The following ELOC variants were observed in gnomAD, a reference collection of about 807,000 sequenced individuals.
ELOC encodes the protein elongin C.
For missense variants in ELOC, 38 were observed against 139.0 expected (o/e 0.27, Z 3.65); for synonymous variants, 40 against 51.3 (o/e 0.78, Z 0.94).
At chr8:73,959,016 A>T (rs577779597) in intron 2 of ELOC, among the ~76,000 whole-genome samples, 7 of 152,312 alleles carry the variant, frequency 4.6e-5, no homozygotes, top group Admixed American at 3.9e-4. Flanking sequence ...CATGAGGGTA[A>T]GTATTTGTGT....
intron 3 of ELOC, among the ~76,000 whole-genome samples, chr8:73,948,835 ACAAGCAAGCAAGCAAGCAAGCAAGCAAG>A (rs149713108): frequency 6.7e-6 from 1 of 150,268 alleles, no homozygotes. Context: ...CCTGTCACTC[ACAAGCAAGCAAGCAAGCAAGCAAGCAAG>A]CAAGCAAGCA....
intron 3 of ELOC, among the ~76,000 whole-genome samples, chr8:73,951,647 C>CACAACAACAACAACAACAACA (rs71269967): frequency 6.7e-6 from 1 of 149,804 alleles, no homozygotes; most frequent in African/African-American, 2.5e-5. Flanking sequence ...CAAAAAACCC[C>CACAACAACAACAACAACAACA]ACAACAACAA....
chr8:73,970,664 G>C (rs1815293159), intron 1 of ELOC: 1 of 152,106 alleles, frequency 6.6e-6, no homozygotes, highest in South Asian at 2.1e-4. Flanking sequence ...TAATGTAAAT[G>C]AGATCAGACA....
chr8:73,971,696 C>T (rs1815415774), intron 1 of ELOC, among the ~76,000 whole-genome samples: 1 of 152,010 alleles, frequency 6.6e-6, no homozygotes, highest in Admixed American at 6.6e-5. Flanking sequence ...GAGACCTCTC[C>T]CTGGGCTAGG....
At chr8:73,964,293 A>G (rs981343662) in intron 1 of ELOC, among the ~76,000 whole-genome samples, 81 of 151,140 alleles carry the variant, frequency 5.4e-4, no homozygotes, top group Non-Finnish European at 3.4e-4. Flanking sequence ...GAATCCTTAT[A>G]TGGAAAAGTG....
At chr8:73,971,800 CCG>C (rs1436434716) in intron 1 of ELOC, 3 of 152,466 alleles carry the variant, frequency 2.0e-5, no homozygotes, top group Admixed American at 6.5e-5. Context: ...CTCCACCCTC[CCG>C]CGCTCAGCCC....
chr8:73,948,835 ACAAGCAAG>A (rs149713108), intron 3 of ELOC, among the ~76,000 whole-genome samples: 37,826 of 150,246 alleles, frequency 0.25, 4,915 homozygotes, highest in South Asian at 0.3. Flanking sequence ...CCTGTCACTC[ACAAGCAAG>A]CAAGCAAGCA....
At chr8:73,958,238 G>A (rs934412971) in intron 2 of ELOC, among the ~76,000 whole-genome samples, 6 of 151,954 alleles carry the variant, frequency 3.9e-5, no homozygotes, top group Non-Finnish European at 7.4e-5. Context: ...GGAAATAGGC[G>A]TGCACCACCA....
chr8:73,951,681 A>ACAACAACAAC (rs1554594049), intron 3 of ELOC, among the ~76,000 whole-genome samples: 2 of 145,808 alleles, frequency 1.4e-5, no homozygotes, highest in African/African-American at 2.5e-5. Flanking sequence ...AACAACAACA[A>ACAACAACAAC]AACAACAGAC....
intron 2 of ELOC, among the ~76,000 whole-genome samples, chr8:73,957,364 G>A (rs73687113): frequency 0.17 from 25,180 of 151,848 alleles, 2,360 homozygotes; most frequent in Middle Eastern, 0.29. Context: ...GATATATATA[G>A]AGTAAAAGTT....
rs1271944351 is a variant in ELOC at position 73,946,406 on chromosome 8, A to G, written c.*224T>C. Reference sequence around the variant, plus strand: ...AAGGCAAAACCACCTACGAATTGGCATATTTGTTTATTTCTCAGTTTGTGA... The same window carrying G: ...AAGGCAAAACCACCTACGAATTGGCGTATTTGTTTATTTCTCAGTTTGTGA... On this transcript the variant is annotated 3_prime_UTR_variant, in exon 4 of 4. Transcript: ENST00000520242. 15 of 426,342 alleles carry G rather than the reference A, an allele frequency of 3.5e-5. No homozygotes were observed. Among genetic ancestry groups the G allele is most frequent in the Non-Finnish European group, 5.8e-5 (14 of 240,668 alleles). The allele number at this position is 426,342 out of a possible 1,614,324, so 26.4% of individuals were successfully genotyped here.
chr8:73,950,517 CA>C (rs1382021906), intron 3 of ELOC, among the ~76,000 whole-genome samples: 3 of 152,102 alleles, frequency 2.0e-5, no homozygotes, highest in South Asian at 2.1e-4. Flanking sequence ...CTAATAAATG[CA>C]AAAAATTTTA....
At chr8:73,955,605 C>CA (rs745881399) in intron 3 of ELOC, 7,910 of 189,204 alleles carry the variant, frequency 0.042, 124 homozygotes, top group Admixed American at 0.12. Flanking sequence ...GACTCTGTCT[C>CA]AAAAAAAAAA....
At chr8:73,952,916 T>C (rs2131091303) in intron 3 of ELOC, among the ~76,000 whole-genome samples, 1 of 152,136 alleles carries the variant, frequency 6.6e-6, no homozygotes. Context: ...GGCAAAAGAC[T>C]TGAATAGACA....
At chr8:73,964,884 G>A (rs1814862877) in intron 1 of ELOC, among the ~76,000 whole-genome samples, 1 of 151,832 alleles carries the variant, frequency 6.6e-6, no homozygotes, top group Admixed American at 6.6e-5. Flanking sequence ...AAAATTAGCT[G>A]GGCATGGTGG....
At chr8:73,968,797 T>C (rs898164705) in intron 1 of ELOC, among the ~76,000 whole-genome samples, 3 of 152,242 alleles carry the variant, frequency 2.0e-5, no homozygotes, top group African/African-American at 7.2e-5. Context: ...GGCCCACCAG[T>C]CCATTTTAGG....
At position 73,946,817 on chromosome 8, in the gene ELOC, T is replaced by A; in HGVS notation, c.152A>T (p.Gln51Leu). The A allele has an allele frequency of 1.2e-6, 2 of 1,607,018 alleles. No individual in the cohort carries two copies. Among genetic ancestry groups the A allele is most frequent in the South Asian group, 2.2e-5 (2 of 90,500 alleles). Residue 51 changes from glutamine to leucine, a missense_variant, in exon 4 of 4, where the codon CAG becomes CTG. Transcript: ENST00000520242. ...TIKAMLSGPGQFAENETNEVN... is the reference protein window; with the variant it reads ...TIKAMLSGPGLFAENETNEVN... ...CTCATTGGTTTCGTTCTCAGCAAAC[T>A]GACCTGTAAAACAAAAGAATTATGT... is the stretch of plus-strand genomic sequence containing the variant.
At chr8:73,959,082 T>C (rs1245238043) in intron 2 of ELOC, among the ~76,000 whole-genome samples, 1 of 152,180 alleles carries the variant, frequency 6.6e-6, no homozygotes, top group South Asian at 2.1e-4. Flanking sequence ...TAAAAAGGTA[T>C]ACCTGTATAG....
intron 1 of ELOC, among the ~76,000 whole-genome samples, chr8:73,962,972 T>A (rs1451628491): frequency 6.6e-6 from 1 of 152,216 alleles, no homozygotes; most frequent in Non-Finnish European, 1.5e-5. Context: ...GACAAAAATT[T>A]CAGCTTGAAC....
Sources: gnomAD v4.1 joint callset for allele counts (sites outside exome capture counted in the v4.1 genomes callset) on GRCh38, gnomAD v4.1.1 for gene constraint, MANE v1.5 for transcripts, NCBI Gene and HGNC (gene_info 2026-07-23, HGNC 2026-07-21) for gene names.